IQSEC1: variants seen among roughly 807,000 people sequenced by gnomAD.
IQSEC1 encodes the protein IQ motif and SEC7 domain-containing protein 1.
Under a neutral mutation model 91.0 loss-of-function variants are expected in IQSEC1, and 31 were observed. The observed-to-expected ratio is 0.34, with a 90% CI of 0.26 to 0.46. The LOEUF is 0.46. Ranked by LOEUF, IQSEC1 falls within the 20% of genes least tolerant of loss-of-function variation. The pLI, the probability that IQSEC1 is intolerant of heterozygous loss-of-function variation, is 1.00. For synonymous variants in IQSEC1, 699 were observed against 662.6 expected, an observed-to-expected ratio of 1.05 and a Z score of -0.84; for missense variants, 1,388 against 1,575.6, an observed-to-expected ratio of 0.88 and a Z score of 2.02.
intron 2 of IQSEC1, among the ~76,000 whole-genome samples, chr3:13,085,982 TCTC>T (rs1705728885): frequency 6.6e-6 from 1 of 152,110 alleles, no homozygotes; most frequent in South Asian, 2.1e-4. Flanking sequence ...CTTGCACACT[TCTC>T]CTCTACCCCC....
intron 1 of IQSEC1, among the ~76,000 whole-genome samples, chr3:13,209,905 C>A (rs1305496776): frequency 6.6e-6 from 1 of 151,380 alleles, no homozygotes; most frequent in Non-Finnish European, 1.5e-5. Context: ...GGGCTCCAGC[C>A]CCACCATCCT....
In IQSEC1 at chr3:12,917,414, C is replaced by CAG. The variant is rs573524511; in HGVS notation, c.2021-1683_2021-1682dup. ...TCCGCATACCCATCCTCCCCTTCCCCAGCTCCTGGCAGCCACTCATCCTTT... is the reference window on the plus strand; with the variant it reads ...TCCGCATACCCATCCTCCCCTTCCCCAGAGCTCCTGGCAGCCACTCATCCTTT... On this transcript the variant is annotated intron_variant, in intron 6 of 13. Transcript: ENST00000613206. Among the ~76,000 whole-genome samples, 30 of 152,362 alleles carry CAG rather than the reference C, an allele frequency of 2.0e-4. No individual in the cohort carries two copies. In the South Asian group the frequency reaches 5.6e-3, roughly 28 times the overall value.
At chr3:13,254,050 C>T (rs114713064) in intron 1 of IQSEC1, among the ~76,000 whole-genome samples, 1,963 of 152,334 alleles carry the variant, frequency 0.013, 46 homozygotes, top group African/African-American at 0.044. Context: ...CCTCCACTGT[C>T]GCATCTGAGG....
At chr3:13,216,095 T>C (rs1434386543) in intron 1 of IQSEC1, among the ~76,000 whole-genome samples, 3 of 152,356 alleles carry the variant, frequency 2.0e-5, no homozygotes, top group East Asian at 3.9e-4. Flanking sequence ...CCAACACCTA[T>C]TGGAAATGCC....
At chr3:13,048,773 C>A (rs1704585114) in intron 1 of IQSEC1, among the ~76,000 whole-genome samples, 1 of 152,188 alleles carries the variant, frequency 6.6e-6, no homozygotes, top group Admixed American at 6.5e-5. Flanking sequence ...AGATTCGAAT[C>A]CCCAATGCCA....
chr3:13,052,932 A>G, intron 1 of IQSEC1: 1 of 931,550 alleles, frequency 1.1e-6, no homozygotes. Flanking sequence ...ACCTTGAGAC[A>G]GCATCAATAT....
chr3:13,192,130 T>C (rs1694045677), intron 1 of IQSEC1, among the ~76,000 whole-genome samples: 1 of 151,910 alleles, frequency 6.6e-6, no homozygotes, highest in Non-Finnish European at 1.5e-5. Flanking sequence ...GGTCAGGAGA[T>C]CGAGACCATC....
rs1384886502 is a variant in IQSEC1, at chr3:13,259,887, A to C, written c.272+22824T>G. ...TTTCTACCATATACAGTTATTAATG[A>C]CTTTATTTATATACCAATATTTAGT... On this transcript the variant is annotated intron_variant, in intron 1 of 15. Coordinates refer to the IQSEC1 transcript ENST00000648114. The surrounding 1 kb of genome is among the most constrained non-coding windows in gnomAD (Gnocchi z 4.6). Among the ~76,000 whole-genome samples the C allele has an allele frequency of 3.3e-5, 5 of 152,262 alleles. No individual in the cohort carries two copies. Among genetic ancestry groups the C allele is most frequent in the Non-Finnish European group, 4.4e-5 (3 of 68,052 alleles).
At chr3:12,982,757 C>T (rs1227784305) in intron 1 of IQSEC1, among the ~76,000 whole-genome samples, 1 of 152,250 alleles carries the variant, frequency 6.6e-6, no homozygotes, top group Non-Finnish European at 1.5e-5. Flanking sequence ...GCCCCTAGTA[C>T]TGACAGGAAA....
chr3:13,167,554 G>A (rs548688626), intron 1 of IQSEC1, among the ~76,000 whole-genome samples: 83 of 152,166 alleles, frequency 5.5e-4, no homozygotes, highest in Non-Finnish European at 1.1e-3. Context: ...AGGCAAGGAA[G>A]GGGAGGTGCT....
At chr3:12,988,082 C>T (rs1701826542) in intron 1 of IQSEC1, among the ~76,000 whole-genome samples, 1 of 152,216 alleles carries the variant, frequency 6.6e-6, no homozygotes, top group Admixed American at 6.5e-5. Context: ...AGACTGCATA[C>T]ATAAGCTGTG....
chr3:13,203,035 C>T (rs1236956491), intron 1 of IQSEC1, among the ~76,000 whole-genome samples: 3 of 152,202 alleles, frequency 2.0e-5, no homozygotes, highest in Non-Finnish European at 2.9e-5. Context: ...CCACATAGTG[C>T]GTCACCCAGC....
intron 1 of IQSEC1, among the ~76,000 whole-genome samples, chr3:13,070,035 C>T (rs996034045): frequency 2.6e-5 from 4 of 151,486 alleles, no homozygotes; most frequent in African/African-American, 9.7e-5. Flanking sequence ...CCCTTGGGTG[C>T]ACACCAGGGG....
At chr3:13,010,354 G>A (rs1477793877) in intron 1 of IQSEC1, among the ~76,000 whole-genome samples, 3 of 152,176 alleles carry the variant, frequency 2.0e-5, no homozygotes, top group African/African-American at 7.2e-5. Flanking sequence ...ATGCAGTACC[G>A]AGCTTGGTCT....
chr3:13,226,589 CAA>C (rs59319538), intron 1 of IQSEC1, among the ~76,000 whole-genome samples: 64,966 of 144,248 alleles, frequency 0.45, 14,222 homozygotes, highest in East Asian at 0.52. Context: ...CCATCTCTAC[CAA>C]AAAAAAAAAA....
At chr3:13,107,827 G>C (rs1232914500) in intron 2 of IQSEC1, among the ~76,000 whole-genome samples, 1 of 152,180 alleles carries the variant, frequency 6.6e-6, no homozygotes, top group East Asian at 1.9e-4. Flanking sequence ...TCAAAATCAG[G>C]CCAGCCATAC....
In IQSEC1 at chr3:12,967,278, G is replaced by A. The variant is rs983697663; in HGVS notation, c.24-25413C>T. 20 of 933,510 alleles carry A rather than the reference G, an allele frequency of 2.1e-5. No homozygotes were observed. In the East Asian group the frequency reaches 3.7e-4, roughly 17 times the overall value. 57.8% of individuals were successfully genotyped at this position (933,510 alleles called of 1,614,324 possible). A position where few individuals can be genotyped will look rare whatever the true frequency, so the allele number is the denominator to read the frequency against. ...CAGGCAGCTTTCTCTCGCACGCCGG[G>A]CGCCCGGTCCCGACGGTCACCCGCA... On this transcript the variant is annotated intron_variant, in intron 1 of 13. Coordinates refer to ENST00000613206, the MANE Select transcript of IQSEC1 (RefSeq NM_001134382.3). This position sits in a 1 kb window ranked among gnomAD's most constrained non-coding sequence, Gnocchi z 5.9.
Position 12,969,747 on chromosome 3 carries a change from C to T in IQSEC1, c.24-27882G>A, listed in dbSNP as rs139332650. On this transcript the variant is annotated intron_variant, in intron 1 of 13. Coordinates refer to ENST00000613206, the MANE Select transcript of IQSEC1 (RefSeq NM_001134382.3). ...CACTTCTCCAGGCCCAGGGCCCTGCCGCCCAGCAGGATGGTCTTGGCGACA... is the reference window on the plus strand; with the variant it reads ...CACTTCTCCAGGCCCAGGGCCCTGCTGCCCAGCAGGATGGTCTTGGCGACA... 5.9e-5 allele frequency among the ~76,000 whole-genome samples: 9 copies of T among 152,324 alleles called. No homozygotes were observed. The East Asian group carries it at 1.3e-3, about 23-fold the overall frequency.
intron 1 of IQSEC1, among the ~76,000 whole-genome samples, chr3:13,252,318 A>G (rs906927242): frequency 1.3e-5 from 2 of 152,124 alleles, no homozygotes; most frequent in African/African-American, 4.8e-5. Context: ...TGAGCAGCTC[A>G]TGTCATCTGG....
Sources: gnomAD v4.1 joint callset for allele counts (sites outside exome capture counted in the v4.1 genomes callset) on GRCh38, gnomAD v4.1.1 for gene constraint, Gnocchi (gnomAD v3.1) non-coding constraint, MANE v1.5 for transcripts, NCBI Gene and HGNC (gene_info 2026-07-23, HGNC 2026-07-21) for gene names.